Variants in CSMD1 observed in about 807,000 individuals in gnomAD.
CSMD1 encodes CUB and Sushi multiple domains 1, also known as CUB and sushi domain-containing protein 1.
Under a neutral mutation model 417.5 loss-of-function variants are expected in CSMD1, and 213 were observed. The ratio of observed to expected loss-of-function variants is 0.51; its 90% CI spans 0.46 to 0.57. The LOEUF (loss-of-function observed/expected upper bound fraction) is 0.57. Ranked by LOEUF, CSMD1 falls within the 20% of genes least tolerant of loss-of-function variation. The pLI, the probability that CSMD1 is intolerant of heterozygous loss-of-function variation, is 0.00. For missense variants in CSMD1, 6,923 were observed against 4,529.7 expected, an observed-to-expected ratio of 1.53 and a Z score of -15.17; for synonymous variants, 2,862 against 1,736.8, an observed-to-expected ratio of 1.65 and a Z score of -16.11.
intron 12 of CSMD1, among the ~76,000 whole-genome samples, chr8:3,466,577 A>ATTTTTTTTT (rs35761429): frequency 4.0e-4 from 46 of 113,602 alleles, no homozygotes; most frequent in African/African-American, 1.1e-3. Flanking sequence ...CAATCAGCTA[A>ATTTTTTTTT]TTTTTTTTTT....
chr8:4,057,680 GT>G (rs1460181753), intron 3 of CSMD1, among the ~76,000 whole-genome samples: 1 of 151,544 alleles, frequency 6.6e-6, no homozygotes, highest in Non-Finnish European at 1.5e-5. Flanking sequence ...TAACGTTTAA[GT>G]CTTTAATCTA....
chr8:4,682,635 T>C (rs1291601149), intron 1 of CSMD1, among the ~76,000 whole-genome samples: 1 of 152,064 alleles, frequency 6.6e-6, no homozygotes, highest in Non-Finnish European at 1.5e-5. Flanking sequence ...AGGTATTTAT[T>C]TGTAATTTTG....
chr8:3,690,722 C>T (rs1000501687), intron 7 of CSMD1, among the ~76,000 whole-genome samples: 2 of 152,054 alleles, frequency 1.3e-5, no homozygotes, highest in Non-Finnish European at 2.9e-5. Flanking sequence ...TACATCTTTG[C>T]CACAGTTTGT....
At chr8:3,710,164 G>A (rs1801427612) in intron 6 of CSMD1, among the ~76,000 whole-genome samples, 1 of 151,876 alleles carries the variant, frequency 6.6e-6, no homozygotes, top group Non-Finnish European at 1.5e-5. Flanking sequence ...AGAGTTGTCT[G>A]CAAGTTTTTT....
At chr8:4,224,617 C>T (rs1801234946) in intron 3 of CSMD1, among the ~76,000 whole-genome samples, 1 of 152,162 alleles carries the variant, frequency 6.6e-6, no homozygotes, top group South Asian at 2.1e-4. Flanking sequence ...GTTATGACTT[C>T]AGACTGAATT....
intron 1 of CSMD1, among the ~76,000 whole-genome samples, chr8:4,694,127 T>G (rs941647917): frequency 2.6e-5 from 4 of 152,248 alleles, no homozygotes; most frequent in African/African-American, 9.6e-5. Context: ...TCCCTCACGA[T>G]TTGTCCACGG....
chr8:4,103,866 A>G (rs966421514), intron 3 of CSMD1, among the ~76,000 whole-genome samples: 13 of 152,152 alleles, frequency 8.5e-5, no homozygotes, highest in Admixed American at 4.6e-4. Context: ...GTCTGGTGCT[A>G]TATCTCTTGC....
intron 2 of CSMD1, among the ~76,000 whole-genome samples, chr8:4,464,669 G>C (rs374937509): frequency 2.6e-5 from 4 of 152,120 alleles, no homozygotes; most frequent in African/African-American, 9.7e-5. Context: ...GCCGCCTGTA[G>C]TCAATCCTGT....
At chr8:3,557,668 G>A (rs1024407376) in intron 10 of CSMD1, among the ~76,000 whole-genome samples, 3 of 152,092 alleles carry the variant, frequency 2.0e-5, no homozygotes, top group South Asian at 2.1e-4. Context: ...CTTGGAGCAT[G>A]GAGATAATCA....
intron 3 of CSMD1, among the ~76,000 whole-genome samples, chr8:4,169,291 C>A (rs927082410): frequency 5.3e-5 from 8 of 152,180 alleles, no homozygotes; most frequent in Admixed American, 6.5e-5. Context: ...GCTCAAAAGG[C>A]AACTCCTGAT....
chr8:3,869,670 G>A (rs1189108154), intron 5 of CSMD1, among the ~76,000 whole-genome samples: 1 of 152,118 alleles, frequency 6.6e-6, no homozygotes, highest in Non-Finnish European at 1.5e-5. Context: ...TGCCACAGGA[G>A]GAAAGGTGCA....
At chr8:4,754,191 A>G (rs1313981127) in intron 1 of CSMD1, among the ~76,000 whole-genome samples, 1 of 152,120 alleles carries the variant, frequency 6.6e-6, no homozygotes, top group Non-Finnish European at 1.5e-5. Context: ...TGTGCACTCC[A>G]CCATTCATCT....
At chr8:4,595,050 T>C (rs1800181839) in intron 2 of CSMD1, among the ~76,000 whole-genome samples, 1 of 152,194 alleles carries the variant, frequency 6.6e-6, no homozygotes, top group Non-Finnish European at 1.5e-5. Flanking sequence ...CTAACAAACC[T>C]TAGAGGTGTA....
intron 1 of CSMD1, among the ~76,000 whole-genome samples, chr8:4,939,077 C>A (rs1433655697): frequency 1.3e-5 from 2 of 151,934 alleles, no homozygotes; most frequent in South Asian, 2.1e-4. Context: ...AAATAATTCT[C>A]CCCCCTCTGC....
At chr8:3,337,110 G>C (rs936808947) in intron 23 of CSMD1, among the ~76,000 whole-genome samples, 1 of 151,990 alleles carries the variant, frequency 6.6e-6, no homozygotes, top group Non-Finnish European at 1.5e-5. Context: ...TAATCCCCTG[G>C]AACCCTGGGC....
Position 3,110,276 on chromosome 8 carries a change from C to G in CSMD1, c.6490G>C (p.Asp2164His). The change falls in exon 43 of 70, where the codon GAT becomes CAT. Residue 2164 changes from aspartate to histidine, a missense_variant. By Grantham distance (81) the Asp-to-His change is moderately conservative. Coordinates refer to ENST00000635120, the MANE Select transcript of CSMD1 (RefSeq NM_033225.6). ...NGTIYSPGFP[D>H]EYPILKDCIW... The stretch of plus-strand genomic sequence containing the variant: ...CAGTCCTTCAGGATCGGATACTCAT[C>G]AGGAAAGCCAGGGGAGTAGATGGTG... The G allele has an allele frequency of 6.2e-7, 1 of 1,613,450 alleles. No individual in the cohort carries two copies. Among genetic ancestry groups the G allele is most frequent in the Admixed American group, 1.7e-5 (1 of 59,954 alleles).
At chr8:4,026,667 G>A (rs1414242534) in intron 4 of CSMD1, among the ~76,000 whole-genome samples, 1 of 152,194 alleles carries the variant, frequency 6.6e-6, no homozygotes, top group Non-Finnish European at 1.5e-5. Context: ...AAGATATTAT[G>A]TCAAAATATA....
chr8:3,700,032 T>C (rs1206296227), intron 7 of CSMD1, among the ~76,000 whole-genome samples: 2 of 152,178 alleles, frequency 1.3e-5, no homozygotes, highest in African/African-American at 2.4e-5. Context: ...AAATTCTTAG[T>C]AGAGATCAGA....
chr8:3,968,312 A>C (rs1385552768), intron 5 of CSMD1, among the ~76,000 whole-genome samples: 1 of 152,168 alleles, frequency 6.6e-6, no homozygotes, highest in Non-Finnish European at 1.5e-5. Flanking sequence ...AGGCAGCATG[A>C]GTATTGCCTG....
Sources: gnomAD v4.1 joint callset for allele counts (sites outside exome capture counted in the v4.1 genomes callset) on GRCh38, gnomAD v4.1.1 for gene constraint, MANE v1.5 for transcripts, NCBI Gene and HGNC (gene_info 2026-07-23, HGNC 2026-07-21) for gene names.